CDHR4: variants seen among roughly 807,000 people sequenced by gnomAD.
CDHR4 encodes cadherin related family member 4.
CDHR4 carries 89 observed loss-of-function variants against 88.4 expected under a neutral mutation model. The ratio of observed to expected loss-of-function variants is 1.01; its 90% CI spans 0.85 to 1.20. The LOEUF is 1.20. Ranked by LOEUF, CDHR4 falls within the 50% of genes most tolerant of loss-of-function variation. CDHR4 has a pLI of 0.00. For synonymous variants in CDHR4, 368 were observed against 399.2 expected (o/e 0.92, Z 0.93); for missense variants, 914 against 1,007.2 (o/e 0.91, Z 1.25).
chr3:49,800,660 T>C (rs1267280603), upstream of CDHR4, among the ~76,000 whole-genome samples: 5 of 152,128 alleles, frequency 3.3e-5, no homozygotes, highest in East Asian at 3.9e-4. Context: ...TTGCTGAGGA[T>C]GTTCTATATC....
Position 49,795,018 on chromosome 3 carries a change from G to A in CDHR4, c.1114C>T (p.Leu372=). The A allele has an allele frequency of 6.4e-7, 1 of 1,551,716 alleles. No individual in the cohort carries two copies. Among genetic ancestry groups the A allele is most frequent in the South Asian group, 1.2e-5 (1 of 84,068 alleles). The change falls in exon 9 of 19, where the codon CTG becomes TTG. Residue 372 remains leucine, a synonymous_variant. Transcript: ENST00000412678. The surrounding 1 kb of genome is among the most constrained non-coding windows in gnomAD (Gnocchi z 5.4). ...CEDPDSVGAT[L]DYKLWFRSSS... is the part of the protein sequence containing the mutation. ...CTGCGGAACCACAGCTTGTAGTCCA[G>A]GGTGGCACCAACAGAGTCCGGATCT...
Position 49,795,294 on chromosome 3 carries a change from A to C in CDHR4, c.933T>G (p.Phe311Leu), listed in dbSNP as rs546996057. 7.1e-6 allele frequency: 11 copies of C among 1,551,658 alleles called. No homozygotes were observed. In the African/African-American group the frequency reaches 1.5e-4, roughly 21 times the overall value. The change falls in exon 8 of 19, where the codon TTT (phenylalanine) becomes TTG (leucine). Residue 311 changes from phenylalanine (F) to leucine (L), a missense_variant. Phe to Leu is a conservative substitution (Grantham distance 22). Transcript: ENST00000412678. The surrounding 1 kb of genome is among the most constrained non-coding windows in gnomAD (Gnocchi z 5.4). The part of the protein sequence containing the change: ...TAVSRLQVKA[F>L]EQGQLWASAK... The stretch of plus-strand genomic sequence containing the variant: ...CACTGGCCCACAGCTGGCCCTGCTC[A>C]AAGGCCTTCACCTGCAGCCTGGAGA...
chr3:49,799,218 A>G (rs1403941211), intron 2 of CDHR4, 29 bp downstream of exon 2: 1 of 1,610,610 alleles, frequency 6.2e-7, no homozygotes, highest in Non-Finnish European at 8.5e-7. Context: ...TTGTGCCCCC[A>G]CAGTCCCCAG....
In CDHR4 at chr3:49,797,473, TTTCC is replaced by T. The variant is rs200572848; in HGVS notation, c.496-445_496-442del. On this transcript the variant is annotated intron_variant, in intron 4 of 18. Transcript: ENST00000412678. ...TCCTTCCCTCCCTTCCCTTTCCTTCTTTCCTTCCTTCCTTCCTTCCTGTTTCTGA... is the reference window on the plus strand; with the variant it reads ...TCCTTCCCTCCCTTCCCTTTCCTTCTTTCCTTCCTTCCTTCCTGTTTCTGA... Among the ~76,000 whole-genome samples the T allele has an allele frequency of 6.9e-3, 1,047 of 151,516 alleles. 6 individuals carry two copies. The highest frequency in any genetic ancestry group is 0.024 in the African/African-American group (986 of 41,284).
At chr3:49,800,713 TG>T (rs902164821), upstream of CDHR4, among the ~76,000 whole-genome samples, 19 of 152,044 alleles carry the variant, frequency 1.2e-4, no homozygotes, top group Non-Finnish European at 8.8e-5. Flanking sequence ...TAACATTTAC[TG>T]GGCTGTAACT....
At chr3:49,797,155 C>T (rs1263027150) in intron 4 of CDHR4, 123 bp from the exon 5 acceptor site, 8 of 613,054 alleles carry the variant, frequency 1.3e-5, no homozygotes, top group Non-Finnish European at 1.2e-5. Flanking sequence ...ATTTATTTTC[C>T]TTCCTTCCTT....
chr3:49,795,705 T>G lies in CDHR4; in HGVS notation c.770A>C (p.Gln257Pro). Reference protein sequence around the residue: ...ENLAPGSEVVQVQARGVDLRY... With the variant: ...ENLAPGSEVVPVQARGVDLRY... ...CAGGTCGACACCCCGGGCCTGGACCTGAACCACCTCACTACCGGGGGCCAG... is the reference window on the plus strand; with the variant it reads ...CAGGTCGACACCCCGGGCCTGGACCGGAACCACCTCACTACCGGGGGCCAG... Residue 257 changes from glutamine to proline, a missense_variant, in exon 7 of 19, where the codon CAG becomes CCG. By Grantham distance (76) the Gln-to-Pro change is moderately conservative. Coordinates refer to ENST00000412678, the MANE Select transcript of CDHR4 (RefSeq NM_001007540.4). The surrounding 1 kb of genome is among the most constrained non-coding windows in gnomAD (Gnocchi z 5.4). 2 of 1,551,668 alleles carry G rather than the reference T, an allele frequency of 1.3e-6. No homozygotes were observed. Among genetic ancestry groups the G allele is most frequent in the Non-Finnish European group, 1.7e-6 (2 of 1,146,972 alleles).
rs766275152 is a variant in CDHR4, at chr3:49,799,267, G to A, written c.220C>T (p.Gln74Ter). 2.2e-5 allele frequency: 35 copies of A among 1,613,674 alleles called. No individual in the cohort carries two copies. The highest frequency in any genetic ancestry group is 2.9e-5 in the Non-Finnish European group (34 of 1,179,760). The part of the protein sequence containing the change: ...FFNPPSLARW[Q>*]GTYVGKLTLS... ...CCTACCTTGCCCACATAGGTCCCTT[G>A]CCACCTGGCCAAGCTGGGTGGGTTG... is the stretch of plus-strand genomic sequence containing the variant. The change falls in exon 2 of 19, where the codon CAA becomes TAA. Residue 74 changes from glutamine (Q) to a stop codon, truncating the protein, a stop_gained. Coordinates refer to ENST00000412678, the MANE Select transcript of CDHR4 (RefSeq NM_001007540.4). LOFTEE classifies it high-confidence loss of function.
At position 49,798,804 on chromosome 3, in the gene CDHR4, C is replaced by T. The variant is rs777531940; in HGVS notation, c.495+22G>A. On this transcript the variant is annotated intron_variant, in intron 4 of 18. Coordinates refer to ENST00000412678, the MANE Select transcript of CDHR4 (RefSeq NM_001007540.4). ...CCCCCCACCCCCATCCTGTCACCCA[C>T]CGTCCCATGTTCTGGGCTTACCTGC... is the stretch of plus-strand genomic sequence containing the variant. 2.5e-6 allele frequency: 4 copies of T among 1,609,452 alleles called. No individual in the cohort carries two copies. The South Asian group carries it at 3.3e-5, about 13-fold the overall frequency.
Position 49,799,239 on chromosome 3 carries a change from G to A in CDHR4, c.240+8C>T, listed in dbSNP as rs776860829. On this transcript the variant is annotated splice_region_variant and intron_variant, in intron 2 of 18. Transcript: ENST00000412678. ...CCCCACAGTCCCCAGCTGTACACAT[G>A]ACCCTACCTTGCCCACATAGGTCCC... The A allele has an allele frequency of 1.2e-6, 2 of 1,613,292 alleles. No individual in the cohort carries two copies. The highest frequency in any genetic ancestry group is 1.7e-5 in the Admixed American group (1 of 59,966).
Position 49,795,111 on chromosome 3 carries a change from G to A in CDHR4, c.1032-11C>T. The A allele has an allele frequency of 6.4e-7, 1 of 1,551,680 alleles. No individual in the cohort carries two copies. Among genetic ancestry groups the A allele is most frequent in the East Asian group, 2.4e-5 (1 of 40,924 alleles). On this transcript the variant is annotated splice_polypyrimidine_tract_variant and intron_variant, in intron 8 of 18. Coordinates refer to ENST00000412678, the MANE Select transcript of CDHR4 (RefSeq NM_001007540.4). This position sits in a 1 kb window ranked among gnomAD's most constrained non-coding sequence, Gnocchi z 5.4. The stretch of plus-strand genomic sequence containing the variant: ...TCCGGGATTTGGGACCTGAGAGTAT[G>A]CAGTGGCAGCAAGGCAGGAGTCTGG...
chr3:49,800,008 A>G (rs1166219646), upstream of CDHR4, among the ~76,000 whole-genome samples: 4 of 152,054 alleles, frequency 2.6e-5, no homozygotes, highest in African/African-American at 9.7e-5. Context: ...AGAATATCCC[A>G]TTTTCCATTG....
In CDHR4 at chr3:49,798,869, A is replaced by G. The variant is rs138615721; in HGVS notation, c.452T>C (p.Leu151Pro). 4 of 1,613,884 alleles carry G rather than the reference A, an allele frequency of 2.5e-6. No homozygotes were observed. The highest frequency in any genetic ancestry group is 3.4e-6 in the Non-Finnish European group (4 of 1,179,866). The change falls in exon 4 of 19, where the codon CTG becomes CCG. Residue 151 changes from leucine (L) to proline (P), a missense_variant. Transcript: ENST00000412678. ...VPETVTPGAR[L>P]YTLLLPGLEL... ...TAGGCCTGGGAGGAGCAGAGTGTAC[A>G]GCCGAGCCCCAGGTGTGACTGTCTC...
rs748369966 is a variant in CDHR4 at position 49,799,317 on chromosome 3, T to C, written c.170A>G (p.Asn57Ser). 13 of 1,613,774 alleles carry C rather than the reference T, an allele frequency of 8.1e-6. No homozygotes were observed. Among genetic ancestry groups the C allele is most frequent in the Middle Eastern group, 1.6e-4 (1 of 6,084 alleles). Residue 57 changes from asparagine to serine, a missense_variant, in exon 2 of 19, where the codon AAT (asparagine) becomes AGT (serine). Transcript: ENST00000412678. ...GAAGAAGGTGGTGGGTGGCTGGACA[T>C]TGAGCAACTCCAGGGTGGGTGTGGG... The part of the protein sequence containing the change: ...YTPTPTLELL[N>S]VQPPTTFFNP...
At chr3:49,794,203 C>G (rs979568581) in intron 10 of CDHR4, among the ~76,000 whole-genome samples, 197 bp from the exon 11 acceptor site, 5 of 152,090 alleles carry the variant, frequency 3.3e-5, no homozygotes, top group African/African-American at 9.7e-5. Flanking sequence ...TTGAGACTAT[C>G]CTGGCTAACA....
At chr3:49,798,776 C>T (rs1381338256) in intron 4 of CDHR4, 50 bp downstream of exon 4, 4 of 1,562,042 alleles carry the variant, frequency 2.6e-6, no homozygotes, top group Non-Finnish European at 2.6e-6. Context: ...TTATTCTCTC[C>T]ATCCCCCCAC....
Position 49,795,891 on chromosome 3 carries a change from C to G in CDHR4, c.710+52G>C, listed in dbSNP as rs1183830632. ...TCCAGCAGCCTCACCCTACCTGATTCCCTGGGGCTAGGCCCTTCCTCCCTC... is the reference window on the plus strand; with the variant it reads ...TCCAGCAGCCTCACCCTACCTGATTGCCTGGGGCTAGGCCCTTCCTCCCTC... On this transcript the variant is annotated intron_variant, in intron 6 of 18. Coordinates refer to ENST00000412678, the MANE Select transcript of CDHR4 (RefSeq NM_001007540.4). The surrounding 1 kb of genome is among the most constrained non-coding windows in gnomAD (Gnocchi z 5.4). The G allele has an allele frequency of 6.6e-7, 1 of 1,514,872 alleles. No individual in the cohort carries two copies. 93.8% of individuals were successfully genotyped at this position (1,514,872 alleles called of 1,614,324 possible). A position where few individuals can be genotyped will look rare whatever the true frequency, so the allele number is the denominator to read the frequency against.
Position 49,794,136 on chromosome 3 carries a change from C to T in CDHR4, c.1280-130G>A, listed in dbSNP as rs535295118. ...AGGGTCTGCTGGGCGTGGTGGCTCACGCCTGTAATCCCAGCACTTTGGGAG... is the reference window on the plus strand; with the variant it reads ...AGGGTCTGCTGGGCGTGGTGGCTCATGCCTGTAATCCCAGCACTTTGGGAG... On this transcript the variant is annotated intron_variant, in intron 10 of 18. Coordinates refer to ENST00000412678, the MANE Select transcript of CDHR4 (RefSeq NM_001007540.4). 17 of 862,206 alleles carry T rather than the reference C, an allele frequency of 2.0e-5. No homozygotes were observed. In the East Asian group the frequency reaches 2.4e-4, roughly 12 times the overall value. 53.4% of individuals were successfully genotyped at this position (862,206 alleles called of 1,614,324 possible).
intron 5 of CDHR4, among the ~76,000 whole-genome samples, chr3:49,796,368 T>G (rs2081270948): frequency 6.6e-6 from 1 of 152,092 alleles, no homozygotes; most frequent in African/African-American, 2.4e-5. Flanking sequence ...AGAACTTTTT[T>G]TTTTTTTGCC....
Sources: allele counts gnomAD v4.1 joint callset (sites outside exome capture counted in the v4.1 genomes callset), GRCh38; gene constraint gnomAD v4.1.1; non-coding constraint Gnocchi (gnomAD v3.1); transcripts MANE v1.5; gene names NCBI Gene and HGNC (gene_info 2026-07-23, HGNC 2026-07-21).